IL1RAPL2: variants seen among roughly 807,000 people sequenced by gnomAD.
IL1RAPL2 encodes the protein interleukin 1 receptor accessory protein like 2.
In IL1RAPL2, 3 loss-of-function variants were observed where a neutral mutation model predicts 44.1. The observed-to-expected ratio is 0.07, with a 90% CI of 0.03 to 0.18. The LOEUF is 0.18. IL1RAPL2 is among the 10% of genes least tolerant of loss of function. The pLI, the probability that IL1RAPL2 is intolerant of heterozygous loss-of-function variation, is 1.00. For synonymous variants in IL1RAPL2, 181 were observed against 178.8 expected, an observed-to-expected ratio of 1.01 and a Z score of -0.10; for missense variants, 391 against 496.4, an observed-to-expected ratio of 0.79 and a Z score of 2.02.
At chrX:104,777,774 G>C (rs955429006) in intron 2 of IL1RAPL2, among the ~76,000 whole-genome samples, 2 of 109,127 alleles carry the variant, frequency 1.8e-5, no homozygotes, top group Admixed American at 2.0e-4. Flanking sequence ...TAGAGACGGC[G>C]TTTCACCATG....
In IL1RAPL2 at chrX:105,226,385, C is replaced by CTTTTTTTTTTT. The variant is rs35192051; in HGVS notation, c.357-7413_357-7403dup. Among the ~76,000 whole-genome samples the CTTTTTTTTTTT allele has an allele frequency of 1.4e-3, 76 of 53,328 alleles. 3 individuals are homozygous for CTTTTTTTTTTT. Among genetic ancestry groups the CTTTTTTTTTTT allele is most frequent in the African/African-American group, 6.8e-3 (71 of 10,492 alleles). 46.3% of individuals were successfully genotyped at this position (53,328 alleles called of 115,157 possible). On this transcript the variant is annotated intron_variant, in intron 3 of 10. Coordinates refer to ENST00000372582, the MANE Select transcript of IL1RAPL2 (RefSeq NM_017416.2). ...GACCCTTTGCCATTCTTTCTTTTCC[C>CTTTTTTTTTTT]TTTTTTTTTTTTTTTTTTTTTTTTT...
At chrX:105,029,097 G>A (rs866881498) in intron 2 of IL1RAPL2, among the ~76,000 whole-genome samples, 20 of 108,675 alleles carry the variant, frequency 1.8e-4, no homozygotes, top group Middle Eastern at 4.3e-3. Context: ...ATCATTCAAC[G>A]TCTTTGTTCA....
chrX:105,422,000 GT>G (rs1005531947), intron 5 of IL1RAPL2, among the ~76,000 whole-genome samples: 14 of 112,352 alleles, frequency 1.2e-4, no homozygotes, highest in Non-Finnish European at 2.4e-4. Flanking sequence ...GTTTACTACA[GT>G]TTTTTAAACA....
At chrX:104,904,073 G>C (rs931619321) in intron 2 of IL1RAPL2, among the ~76,000 whole-genome samples, 4 of 110,334 alleles carry the variant, frequency 3.6e-5, no homozygotes, top group Non-Finnish European at 5.7e-5. Flanking sequence ...CTGCAAAACT[G>C]CCTGCATATG....
intron 2 of IL1RAPL2, among the ~76,000 whole-genome samples, chrX:105,061,982 A>G (rs1330187998): frequency 9.0e-6 from 1 of 111,056 alleles, no homozygotes; most frequent in Non-Finnish European, 1.9e-5. Context: ...TCATACAGCC[A>G]CTCTATATCT....
chrX:105,298,152 A>G (rs1255108635), intron 5 of IL1RAPL2, among the ~76,000 whole-genome samples: 2 of 111,133 alleles, frequency 1.8e-5, no homozygotes, highest in Non-Finnish European at 3.8e-5. Flanking sequence ...TTTAAAATCT[A>G]TTATTTTAGC....
intron 5 of IL1RAPL2, among the ~76,000 whole-genome samples, chrX:105,409,807 T>TATAGATAG (rs764698139): frequency 0.39 from 34,874 of 89,179 alleles, 5,548 homozygotes; most frequent in East Asian, 0.45. Context: ...GGCTTTGATT[T>TATAGATAG]ATAGATAGAT....
intron 2 of IL1RAPL2, among the ~76,000 whole-genome samples, chrX:105,005,027 G>A (rs2030916887): frequency 9.1e-6 from 1 of 109,531 alleles, no homozygotes; most frequent in Non-Finnish European, 1.9e-5. Context: ...CTATGCTCAT[G>A]CCTTCAGCCT....
chrX:105,413,551 T>G (rs1239807145), intron 5 of IL1RAPL2, among the ~76,000 whole-genome samples: 1 of 111,955 alleles, frequency 8.9e-6, no homozygotes, highest in Non-Finnish European at 1.9e-5. Flanking sequence ...GGAATGGATT[T>G]TTTCCTAGAG....
intron 1 of IL1RAPL2, among the ~76,000 whole-genome samples, chrX:104,612,097 G>A (rs1158233425): frequency 9.0e-6 from 1 of 111,506 alleles, no homozygotes; most frequent in Non-Finnish European, 1.9e-5. Context: ...AACCTTCATT[G>A]GGTGTATAGT....
chrX:104,967,709 AT>A (rs2030153382), intron 2 of IL1RAPL2, among the ~76,000 whole-genome samples: 1 of 111,172 alleles, frequency 9.0e-6, no homozygotes, highest in South Asian at 3.7e-4. Context: ...AATATTAGGA[AT>A]TAAAAAGGAG....
chrX:105,267,398 C>A lies in IL1RAPL2; in HGVS notation c.554C>A (p.Pro185Gln), dbSNP rs1421745277. 1 of 1,194,599 alleles carries A rather than the reference C, an allele frequency of 8.4e-7. No homozygotes were observed. Among genetic ancestry groups the A allele is most frequent in the South Asian group, 1.9e-5 (1 of 52,984 alleles). The change falls in exon 5 of 11, where the codon CCA becomes CAA. Residue 185 changes from proline to glutamine, a missense_variant. Transcript: ENST00000372582. ...PDVVWYKECK[P>Q]KMWRSIIIQK... Reference sequence around the variant, plus strand: ...ATATTTTATCTGCAGGAATGCAAGCCAAAAATGTGGAGAAGCATAATAATA... The same window carrying A: ...ATATTTTATCTGCAGGAATGCAAGCAAAAAATGTGGAGAAGCATAATAATA...
rs2036247796 is a variant in IL1RAPL2 at position 105,483,775 on chromosome X, C to CTAGCACA, written c.698-537_698-531dup. Among the ~76,000 whole-genome samples, 3 of 111,435 alleles carry CTAGCACA rather than the reference C, an allele frequency of 2.7e-5. No individual in the cohort carries two copies. The South Asian group carries it at 1.1e-3, about 42-fold the overall frequency. Reference sequence around the variant, plus strand: ...ACTTTACTTTCTTTCCCTTTAGTAGCTAGCACAAGACTTGGAGTACAAAAG... The same window carrying CTAGCACA: ...ACTTTACTTTCTTTCCCTTTAGTAGCTAGCACATAGCACAAGACTTGGAGTACAAAAG... On this transcript the variant is annotated intron_variant, in intron 5 of 10. Coordinates refer to ENST00000372582, the MANE Select transcript of IL1RAPL2 (RefSeq NM_017416.2).
chrX:105,762,742 T>A (rs1307949270), intron 10 of IL1RAPL2, among the ~76,000 whole-genome samples: 1 of 111,802 alleles, frequency 8.9e-6, no homozygotes, highest in Admixed American at 9.5e-5. Context: ...AGTGACCTTT[T>A]ATTTAAGGGA....
At chrX:105,110,272 G>C (rs1377086959) in intron 2 of IL1RAPL2, among the ~76,000 whole-genome samples, 1 of 112,100 alleles carries the variant, frequency 8.9e-6, no homozygotes, top group African/African-American at 3.2e-5. Context: ...AAGGGAGAAC[G>C]ACCCTTTGGG....
chrX:104,962,263 A>G (rs900054699), intron 2 of IL1RAPL2, among the ~76,000 whole-genome samples: 1 of 112,413 alleles, frequency 8.9e-6, no homozygotes, highest in African/African-American at 3.2e-5. Context: ...TGGGAAATTG[A>G]CAGCCAAGAT....
intron 1 of IL1RAPL2, among the ~76,000 whole-genome samples, chrX:104,602,638 T>G (rs1230670954): frequency 9.0e-6 from 1 of 111,038 alleles, no homozygotes; most frequent in African/African-American, 3.3e-5. Flanking sequence ...ACATTCGAGC[T>G]TGTTCGGGGG....
intron 5 of IL1RAPL2, among the ~76,000 whole-genome samples, chrX:105,270,070 A>G (rs1351930433): frequency 1.8e-5 from 2 of 111,708 alleles, no homozygotes; most frequent in South Asian, 3.7e-4. Flanking sequence ...ATGTAAAGGG[A>G]CCCAGATAGG....
At chrX:104,919,778 C>T (rs999934911) in intron 2 of IL1RAPL2, among the ~76,000 whole-genome samples, 38 of 106,107 alleles carry the variant, frequency 3.6e-4, no homozygotes, top group African/African-American at 7.6e-4. Flanking sequence ...TGACCTCAAG[C>T]GATCCACCTT....
Sources: allele counts gnomAD v4.1 joint callset (sites outside exome capture counted in the v4.1 genomes callset), GRCh38; gene constraint gnomAD v4.1.1; transcripts MANE v1.5; gene names NCBI Gene and HGNC (gene_info 2026-07-23, HGNC 2026-07-21).